The following DEFA4 variants were observed in gnomAD, a reference collection of about 807,000 sequenced individuals.
The protein encoded by DEFA4 is corticostatin.
Under a neutral mutation model 4.4 loss-of-function variants are expected in DEFA4, and 8 were observed. The ratio of observed to expected loss-of-function variants is 1.82; its 90% CI spans 1.07 to 3.29. The LOEUF (loss-of-function observed/expected upper bound fraction) is 3.29. Among genes scored for constraint, DEFA4 ranks in the 30% most tolerant of loss-of-function variants. The pLI, the probability that DEFA4 is intolerant of heterozygous loss-of-function variation, is 0.00. For synonymous variants in DEFA4, 77 were observed against 46.5 expected (o/e 1.66, Z -2.67); for missense variants, 216 against 127.0 (o/e 1.70, Z -3.37).
In DEFA4 at chr8:6,936,866, A is replaced by G. The variant is rs994703054; in HGVS notation, c.34T>C (p.Leu12=). 8.7e-6 allele frequency: 14 copies of G among 1,611,082 alleles called. No individual in the cohort carries two copies. Among genetic ancestry groups the G allele is most frequent in the Non-Finnish European group, 1.1e-5 (13 of 1,178,374 alleles). ...CCTGCCCGGACCTGGAGGGCTACCA[A>G]GAGAATAGCAGCGAGGAGGGCGATA... is the stretch of plus-strand genomic sequence containing the variant. ...RIIALLAAIL[L]VALQVRAGPL... is the part of the protein sequence containing the mutation. The change falls in exon 2 of 3, where the codon TTG becomes CTG. Residue 12 remains leucine, a synonymous_variant. Coordinates refer to ENST00000297435, the MANE Select transcript of DEFA4 (RefSeq NM_001925.3).
intron 1 of DEFA4, among the ~76,000 whole-genome samples, chr8:6,937,976 A>C (rs548309512): frequency 2.6e-5 from 4 of 152,318 alleles, no homozygotes; most frequent in African/African-American, 9.6e-5. Context: ...ATGTTTTAAG[A>C]AGCTGTGATC....
rs1808829832 is a variant in DEFA4, at chr8:6,935,999, A to G, written c.*21T>C. The G allele has an allele frequency of 1.9e-6, 3 of 1,613,032 alleles. No individual in the cohort carries two copies. Among genetic ancestry groups the G allele is most frequent in the South Asian group, 2.2e-5 (2 of 90,960 alleles). ...CCGATGATGGCGTTCCCAGCATGAC[A>G]TTCTCTTGGACAGCAGAACGTTAAT... On this transcript the variant is annotated 3_prime_UTR_variant, in exon 3 of 3. Coordinates refer to ENST00000297435, the MANE Select transcript of DEFA4 (RefSeq NM_001925.3).
At chr8:6,936,485 A>G (rs1014134116) in intron 2 of DEFA4, among the ~76,000 whole-genome samples, 2 of 152,172 alleles carry the variant, frequency 1.3e-5, no homozygotes, top group African/African-American at 2.4e-5. Context: ...GAACTGGTCA[A>G]TCTGTCTCTC....
Position 6,935,922 on chromosome 8 carries a change from ATTTTTC to A in DEFA4, c.*92_*97del. On this transcript the variant is annotated 3_prime_UTR_variant, in exon 3 of 3. Transcript: ENST00000297435. ...AGCTCTCAAAGCAAATTATGAGCTC[ATTTTTC>A]TCTATTCTGCAAGCTCAGCTGCAGA... is the stretch of plus-strand genomic sequence containing the variant. 6.4e-7 allele frequency: 1 copy of A among 1,570,152 alleles called. No homozygotes were observed. Among genetic ancestry groups the A allele is most frequent in the Non-Finnish European group, 8.7e-7 (1 of 1,144,784 alleles).
At chr8:6,936,363 C>A (rs1440466047) in intron 2 of DEFA4, among the ~76,000 whole-genome samples, 2 of 152,142 alleles carry the variant, frequency 1.3e-5, no homozygotes, top group African/African-American at 2.4e-5. Flanking sequence ...GCTTTTGCCC[C>A]ATCAGACACA....
rs531562489 is a variant in DEFA4 at position 6,935,894 on chromosome 8, T to A, written c.*126A>T. ...AAGTATAGGAGAAACAACCATTTCC[T>A]GTAGCTCTCAAAGCAAATTATGAGC... is the stretch of plus-strand genomic sequence containing the variant. On this transcript the variant is annotated 3_prime_UTR_variant, in exon 3 of 3. Coordinates refer to ENST00000297435, the MANE Select transcript of DEFA4 (RefSeq NM_001925.3). The A allele has an allele frequency of 1.4e-5, 18 of 1,328,594 alleles. No homozygotes were observed. The highest frequency in any genetic ancestry group is 3.2e-6 in the Non-Finnish European group (3 of 934,014). The allele number at this position is 1,328,594 out of a possible 1,614,324, so 82.3% of individuals were successfully genotyped here.
At chr8:6,936,959 C>T in intron 1 of DEFA4, 48 bp from the exon 2 acceptor site, 3 of 1,426,230 alleles carry the variant, frequency 2.1e-6, no homozygotes, top group Non-Finnish European at 2.8e-6. Context: ...GAGAAGCCAG[C>T]TTGGATTTAT....
At chr8:6,937,734 A>C (rs1316369733) in intron 1 of DEFA4, among the ~76,000 whole-genome samples, 1 of 152,190 alleles carries the variant, frequency 6.6e-6, no homozygotes, top group Non-Finnish European at 1.5e-5. Context: ...ACAAATGGGA[A>C]AATAGACAAG....
chr8:6,937,825 G>C (rs1177884823), intron 1 of DEFA4, among the ~76,000 whole-genome samples: 1 of 152,094 alleles, frequency 6.6e-6, no homozygotes, highest in Non-Finnish European at 1.5e-5. Context: ...GAAAATGAGA[G>C]AAAATGTTTG....
Position 6,936,151 on chromosome 8 carries a change from C to G in DEFA4, c.173-10G>C. ...ATGCCCCTTGTTGAGCCTGGGAACA[C>G]AGAGGAAGCATGAGAAATTAAGCAC... On this transcript the variant is annotated splice_polypyrimidine_tract_variant and intron_variant, in intron 2 of 2. Transcript: ENST00000297435. 1 of 1,613,280 alleles carries G rather than the reference C, an allele frequency of 6.2e-7. No individual in the cohort carries two copies. The highest frequency in any genetic ancestry group is 8.5e-7 in the Non-Finnish European group (1 of 1,179,674).
intron 1 of DEFA4, among the ~76,000 whole-genome samples, 154 bp from the exon 2 acceptor site, chr8:6,937,065 G>T (rs1032575890): frequency 1.3e-5 from 2 of 152,048 alleles, no homozygotes; most frequent in African/African-American, 4.8e-5. Flanking sequence ...ACTCCTATTG[G>T]CCTTGACATC....
intron 1 of DEFA4, among the ~76,000 whole-genome samples, chr8:6,937,797 G>A (rs1181179505): frequency 6.6e-6 from 1 of 152,158 alleles, no homozygotes; most frequent in Admixed American, 6.6e-5. Context: ...ACAATCAACT[G>A]AGGGAAACGG....
At chr8:6,937,623 C>T (rs1377372525) in intron 1 of DEFA4, among the ~76,000 whole-genome samples, 2 of 152,124 alleles carry the variant, frequency 1.3e-5, no homozygotes, top group Non-Finnish European at 2.9e-5. Flanking sequence ...TTGAAAAGAC[C>T]TGAAACCATA....
rs1284192419 is a variant in DEFA4 at position 6,938,224 on chromosome 8, A to T, written c.-13+2T>A. ...TGAAAGTTTAAGTTTTGTGTTACTTACAGATCCTCAAGCTAGGCAGGGCGA... is the reference window on the plus strand; with the variant it reads ...TGAAAGTTTAAGTTTTGTGTTACTTTCAGATCCTCAAGCTAGGCAGGGCGA... On this transcript the variant is annotated splice_donor_variant, in intron 1 of 2. Coordinates refer to ENST00000297435, the MANE Select transcript of DEFA4 (RefSeq NM_001925.3). LOFTEE classifies it low-confidence loss of function (5UTR_SPLICE). The T allele has an allele frequency of 1.3e-5, 2 of 152,224 alleles. No individual in the cohort carries two copies. Among genetic ancestry groups the T allele is most frequent in the Non-Finnish European group, 2.9e-5 (2 of 68,076 alleles). The allele number at this position is 152,224 out of a possible 1,614,324, so 9.4% of individuals were successfully genotyped here. A position where few individuals can be genotyped will look rare whatever the true frequency, so the allele number is the denominator to read the frequency against.
chr8:6,936,182 T>G, intron 2 of DEFA4, 41 bp from the exon 3 acceptor site: 2 of 1,609,224 alleles, frequency 1.2e-6, no homozygotes, highest in Non-Finnish European at 1.7e-6. Context: ...AGCACCAAGG[T>G]CAGCGGTGGG....
rs758394710 is a variant in DEFA4, at chr8:6,936,130, C to A, written c.184G>T (p.Gly62Cys). The A allele has an allele frequency of 6.2e-7, 1 of 1,613,964 alleles. No individual in the cohort carries two copies. Among genetic ancestry groups the A allele is most frequent in the South Asian group, 1.1e-5 (1 of 90,982 alleles). ...SALQVSGSTRGMVCSCRLVFC... is the reference protein window; with the variant it reads ...SALQVSGSTRCMVCSCRLVFC... Reference sequence around the variant, plus strand: ...ACTAATCTGCAAGAGCAGACCATGCCCCTTGTTGAGCCTGGGAACACAGAG... The same window carrying A: ...ACTAATCTGCAAGAGCAGACCATGCACCTTGTTGAGCCTGGGAACACAGAG... The change falls in exon 3 of 3, where the codon GGC becomes TGC. Residue 62 changes from glycine to cysteine, a missense_variant. Physicochemically the swap from Gly to Cys is radical, Grantham distance 159. Transcript: ENST00000297435.
At position 6,936,826 on chromosome 8, in the gene DEFA4, C is replaced by G; in HGVS notation, c.74G>C (p.Arg25Thr). Residue 25 changes from arginine to threonine, a missense_variant, in exon 2 of 3, where the codon AGA (arginine) becomes ACA (threonine). By Grantham distance (71) the Arg-to-Thr change is moderately conservative. Coordinates refer to ENST00000297435, the MANE Select transcript of DEFA4 (RefSeq NM_001925.3). The stretch of plus-strand genomic sequence containing the variant: ...CTCCTGGCCTGGAGCCTCATCACCT[C>G]TTGCCTGGAGTGGGCCTGCCCGGAC... ...LQVRAGPLQA[R>T]GDEAPGQEQR... The G allele has an allele frequency of 6.2e-7, 1 of 1,613,730 alleles. No individual in the cohort carries two copies. Among genetic ancestry groups the G allele is most frequent in the Non-Finnish European group, 8.5e-7 (1 of 1,179,848 alleles).
chr8:6,936,646 C>A, intron 2 of DEFA4, 82 bp downstream of exon 2: 1 of 1,378,688 alleles, frequency 7.3e-7, no homozygotes, highest in Non-Finnish European at 9.6e-7. Flanking sequence ...TAAGTGACAT[C>A]CACCATTGAG....
chr8:6,936,340 C>G (rs777368057), intron 2 of DEFA4, among the ~76,000 whole-genome samples, 199 bp from the exon 3 acceptor site: 11 of 152,168 alleles, frequency 7.2e-5, no homozygotes, highest in Admixed American at 5.9e-4. Flanking sequence ...TTCTCTTTTG[C>G]TCTGATTTGT....
Sources: allele counts gnomAD v4.1 joint callset (sites outside exome capture counted in the v4.1 genomes callset), GRCh38; gene constraint gnomAD v4.1.1; transcripts MANE v1.5; gene names NCBI Gene and HGNC (gene_info 2026-07-23, HGNC 2026-07-21).